The following PCNT variants were observed in gnomAD, a reference collection of about 807,000 sequenced individuals.
The protein encoded by PCNT is pericentrin.
Under a neutral mutation model 380.4 loss-of-function variants are expected in PCNT, and 319 were observed. The ratio of observed to expected loss-of-function variants is 0.84; its 90% confidence interval spans 0.77 to 0.92. The LOEUF (loss-of-function observed/expected upper bound fraction) is 0.92, where lower values mean the gene tolerates loss of function less well. Ranked by LOEUF, PCNT falls within the 40% of genes least tolerant of loss-of-function variation. The pLI, the probability that PCNT is intolerant of heterozygous loss-of-function variation, is 0.00. For missense variants in PCNT, 4,400 were observed against 4,255.3 expected, an observed-to-expected ratio of 1.03 and a Z score of -0.95; for synonymous variants, 1,845 against 1,735.2, an observed-to-expected ratio of 1.06 and a Z score of -1.57.
At chr21:46,400,303 A>G (rs1257052670) in intron 25 of PCNT, among the ~76,000 whole-genome samples, 1 of 151,958 alleles carries the variant, frequency 6.6e-6, no homozygotes, top group Non-Finnish European at 1.5e-5. Flanking sequence ...GGGCCATCTC[A>G]TGGCTGGAGG....
intron 31 of PCNT, among the ~76,000 whole-genome samples, chr21:46,419,914 C>CT (rs1002014251): frequency 2.0e-5 from 3 of 152,190 alleles, no homozygotes; most frequent in Admixed American, 2.0e-4. Flanking sequence ...CCAGCCCCCT[C>CT]TTTTTTAAGG....
chr21:46,416,666 G>C lies in PCNT; in HGVS notation c.6748G>C (p.Ala2250Pro). 6.4e-7 allele frequency: 1 copy of C among 1,562,514 alleles called. No homozygotes were observed. The change falls in exon 30 of 47, where the codon GCC becomes CCC. Residue 2250 changes from alanine (A) to proline (P), a missense_variant. Physicochemically the swap from Ala to Pro is conservative, Grantham distance 27. Transcript: ENST00000359568. ...PSLPVTPHSG[A>P]LSLCSADTSL... The stretch of plus-strand genomic sequence containing the variant: ...CCTCCCCGTGACACCCCACTCAGGA[G>C]CCCTGAGCCTGTGCAGTGCCGACAC...
At position 46,416,328 on chromosome 21, in the gene PCNT, G is replaced by T. The variant is rs370735505; in HGVS notation, c.6410G>T (p.Gly2137Val). The change falls in exon 30 of 47, where the codon GGT (glycine) becomes GTT (valine). Residue 2137 changes from glycine (G) to valine (V), a missense_variant. Coordinates refer to ENST00000359568, the MANE Select transcript of PCNT (RefSeq NM_006031.6). ...DTCDANTATG[G>V]VTDVIKNQAI... is the part of the protein sequence containing the mutation. ...TGTGATGCCAATACAGCCACGGGGG[G>T]TGTAACTGATGTTATCAAAAATCAG... 1 of 1,613,786 alleles carries T rather than the reference G, an allele frequency of 6.2e-7. No homozygotes were observed. Among genetic ancestry groups the T allele is most frequent in the Non-Finnish European group, 8.5e-7 (1 of 1,179,798 alleles).
At chr21:46,337,813 C>T (rs573877533) in intron 3 of PCNT, among the ~76,000 whole-genome samples, 2 of 152,154 alleles carry the variant, frequency 1.3e-5, no homozygotes, top group African/African-American at 4.8e-5. Context: ...AACTCCCAAC[C>T]TCAGGTGATC....
chr21:46,431,235 A>G (rs2087750062), intron 37 of PCNT: 1 of 1,263,152 alleles, frequency 7.9e-7, no homozygotes, highest in East Asian at 4.1e-5. Context: ...TTTTCTGGAG[A>G]GGGGGCGGGC....
intron 4 of PCNT, 53 bp from the exon 5 acceptor site, chr21:46,346,690 T>A: frequency 6.4e-7 from 1 of 1,561,788 alleles, no homozygotes. Context: ...GTCTCCCTGA[T>A]GCGCCCTGGT....
At chr21:46,395,566 C>T (rs9981798) in intron 21 of PCNT, among the ~76,000 whole-genome samples, 12 of 137,452 alleles carry the variant, frequency 8.7e-5, no homozygotes, top group East Asian at 2.2e-4. Context: ...GACTTCAGGA[C>T]TCAGCAGCAG....
Position 46,412,910 on chromosome 21 carries a change from T to C in PCNT, c.6068T>C (p.Leu2023Pro). The C allele has an allele frequency of 6.2e-7, 1 of 1,612,776 alleles. No individual in the cohort carries two copies. The highest frequency in any genetic ancestry group is 8.5e-7 in the Non-Finnish European group (1 of 1,180,008). The change falls in exon 29 of 47, where the codon CTC (leucine) becomes CCC (proline). Residue 2023 changes from leucine to proline, a missense_variant. By Grantham distance (98) the Leu-to-Pro change is moderately conservative (BLOSUM62 -3). Transcript: ENST00000359568. ...AAGCAAGAAGGCGTGATGTCAGTGCTCACCGTCTGCCAGAGGCAGCTGCAG... is the reference window on the plus strand; with the variant it reads ...AAGCAAGAAGGCGTGATGTCAGTGCCCACCGTCTGCCAGAGGCAGCTGCAG... ...LCKQEGVMSV[L>P]TVCQRQLQSE...
chr21:46,431,125 G>C (rs1362105563), intron 37 of PCNT: 1 of 1,187,538 alleles, frequency 8.4e-7, no homozygotes, highest in Non-Finnish European at 1.1e-6. Context: ...AGCTGGGTGT[G>C]TATCTCTGAG....
intron 3 of PCNT, among the ~76,000 whole-genome samples, chr21:46,339,607 C>T (rs372765028): frequency 1.3e-5 from 2 of 152,304 alleles, no homozygotes; most frequent in East Asian, 3.9e-4. Context: ...GCTAACCAGT[C>T]TAGTCTAGTC....
At chr21:46,364,005 C>A in intron 14 of PCNT, 71 bp downstream of exon 14, 1 of 1,433,374 alleles carries the variant, frequency 7.0e-7, no homozygotes, top group Non-Finnish European at 9.7e-7. Context: ...GGTGGGCAGG[C>A]TCCTGGGAGG....
Position 46,432,201 on chromosome 21 carries a change from G to C in PCNT, c.8737G>C (p.Asp2913His). ...GGAGCAGTGGAGGAAGTGGCAGAGA[G>C]ACAAGGAGAAGCTGGTGAGAGCCGC... ...AAEQWRKWQRDKEKLRELELQ... is the reference protein window; with the variant it reads ...AAEQWRKWQRHKEKLRELELQ... Residue 2913 changes from aspartate (D) to histidine (H), a missense_variant, in exon 38 of 47, where the codon GAC becomes CAC. Asp to His is a moderately conservative substitution (Grantham distance 81). Transcript: ENST00000359568. 1.9e-6 allele frequency: 3 copies of C among 1,610,714 alleles called. No homozygotes were observed. The highest frequency in any genetic ancestry group is 1.7e-6 in the Non-Finnish European group (2 of 1,179,162).
At chr21:46,367,975 C>A (rs2084985825) in intron 15 of PCNT, among the ~76,000 whole-genome samples, 1 of 152,046 alleles carries the variant, frequency 6.6e-6, no homozygotes, top group African/African-American at 2.4e-5. Context: ...GAGTTTGAAA[C>A]CAGCCTGTGG....
At position 46,355,448 on chromosome 21, in the gene PCNT, G is replaced by C. The variant is rs1332039765; in HGVS notation, c.1762-4G>C. 3.7e-6 allele frequency: 6 copies of C among 1,613,534 alleles called. No individual in the cohort carries two copies. The highest frequency in any genetic ancestry group is 1.6e-4 in the Middle Eastern group (1 of 6,062). ...CGTGCTTGTCCCACGTGGTTTCTCT[G>C]TAGGAGAGCCTGCCACGCTTCCAGG... On this transcript the variant is annotated splice_polypyrimidine_tract_variant and splice_region_variant and intron_variant, in intron 11 of 46. Transcript: ENST00000359568.
At chr21:46,396,646 C>G (rs992198522) in intron 21 of PCNT, among the ~76,000 whole-genome samples, 7 of 152,174 alleles carry the variant, frequency 4.6e-5, no homozygotes, top group Admixed American at 4.6e-4. Context: ...CTTTGTCACC[C>G]AGGCTGGAGT....
At chr21:46,393,619 C>T (rs936393550) in intron 21 of PCNT, among the ~76,000 whole-genome samples, 5 of 152,170 alleles carry the variant, frequency 3.3e-5, no homozygotes, top group South Asian at 2.1e-4. Flanking sequence ...GTCAGGCCTC[C>T]GGGCAGATAA....
chr21:46,361,031 G>C (rs1224454312), intron 13 of PCNT, among the ~76,000 whole-genome samples: 1 of 152,106 alleles, frequency 6.6e-6, no homozygotes. Flanking sequence ...TGATTTTAAT[G>C]TATCTGTTGA....
chr21:46,371,512 T>A (rs1312176412), intron 15 of PCNT, among the ~76,000 whole-genome samples: 1 of 152,150 alleles, frequency 6.6e-6, no homozygotes, highest in Non-Finnish European at 1.5e-5. Flanking sequence ...ACTTTTTCAG[T>A]TTTTTAAAAT....
At chr21:46,422,367 GC>G (rs1385257549) in intron 32 of PCNT, among the ~76,000 whole-genome samples, 5 of 152,220 alleles carry the variant, frequency 3.3e-5, no homozygotes, top group Admixed American at 3.3e-4. Context: ...GGTCCTGTGA[GC>G]CCGTGGGCAG....
Sources: allele counts gnomAD v4.1 joint callset (sites outside exome capture counted in the v4.1 genomes callset), GRCh38; gene constraint gnomAD v4.1.1; transcripts MANE v1.5; gene names NCBI Gene and HGNC (gene_info 2026-07-23, HGNC 2026-07-21).